Variants in THSD7B observed in about 807,000 individuals in gnomAD.
THSD7B encodes thrombospondin type 1 domain containing 7B, also known as thrombospondin type-1 domain-containing protein 7B.
Under a neutral mutation model 213.6 loss-of-function variants are expected in THSD7B, and 138 were observed. The observed-to-expected ratio is 0.65, with a 90% confidence interval of 0.56 to 0.74. THSD7B has a LOEUF of 0.74. Among genes scored for constraint, THSD7B ranks in the 30% least tolerant of loss-of-function variants. The probability of loss-of-function intolerance (pLI) is 0.00; values close to 1 mark genes in which losing one functional copy is unlikely to be tolerated. For synonymous variants in THSD7B, 742 were observed against 687.0 expected (o/e 1.08, Z -1.25); for missense variants, 1,931 against 1,991.5 (o/e 0.97, Z 0.58).
chr2:137,404,468 T>TACACACAC (rs1433746813), intron 12 of THSD7B, among the ~76,000 whole-genome samples: 108 of 73,082 alleles, frequency 1.5e-3, no homozygotes, highest in East Asian at 3.7e-3. Context: ...TATATATATA[T>TACACACAC]ATATATACAC....
At chr2:137,507,657 A>C (rs1180053163) in intron 15 of THSD7B, among the ~76,000 whole-genome samples, 1 of 152,112 alleles carries the variant, frequency 6.6e-6, no homozygotes, top group Admixed American at 6.5e-5. Flanking sequence ...TTTTCTTACT[A>C]TGTTTAAATC....
chr2:137,001,342 T>C (rs1372292556), intron 2 of THSD7B, among the ~76,000 whole-genome samples: 1 of 152,130 alleles, frequency 6.6e-6, no homozygotes, highest in Non-Finnish European at 1.5e-5. Flanking sequence ...GCCACCCACA[T>C]CTTTTTCTGT....
rs531857563 is a variant in THSD7B at position 137,433,175 on chromosome 2, C to G, written c.2960-17670C>G. ...GGAGCAGGGCGCTGTAAGATAATAA[C>G]AAGATGGGGGACATTATTTAAGTTG... On this transcript the variant is annotated intron_variant, in intron 14 of 27. Transcript: ENST00000409968. 2.2e-4 allele frequency among the ~76,000 whole-genome samples: 34 copies of G among 152,042 alleles called. 1 individual carries two copies. The South Asian group carries it at 7.1e-3, about 32-fold the overall frequency.
At chr2:137,311,020 AT>A (rs1360977638) in intron 12 of THSD7B, among the ~76,000 whole-genome samples, 1 of 150,130 alleles carries the variant, frequency 6.7e-6, no homozygotes, top group Non-Finnish European at 1.5e-5. Context: ...ACTTTAAAGT[AT>A]TTTTTTCCAA....
chr2:137,033,675 C>T (rs548842021), intron 2 of THSD7B, among the ~76,000 whole-genome samples: 1 of 152,118 alleles, frequency 6.6e-6, no homozygotes, highest in South Asian at 2.1e-4. Context: ...CGCAGTGGCA[C>T]AATCTCGGCT....
chr2:137,228,780 G>A (rs1172054964), intron 7 of THSD7B, among the ~76,000 whole-genome samples: 1 of 152,064 alleles, frequency 6.6e-6, no homozygotes, highest in Non-Finnish European at 1.5e-5. Context: ...TTTGGCCTTC[G>A]TTTTACTTTT....
At chr2:136,802,461 A>C (rs572815969) in intron 1 of THSD7B, among the ~76,000 whole-genome samples, 1 of 151,764 alleles carries the variant, frequency 6.6e-6, no homozygotes, top group East Asian at 2.0e-4. Context: ...AGAAATGTAC[A>C]CAGCAGGAAT....
At chr2:136,840,524 A>C (rs959128195) in intron 1 of THSD7B, among the ~76,000 whole-genome samples, 6 of 152,318 alleles carry the variant, frequency 3.9e-5, no homozygotes, top group African/African-American at 1.4e-4. Context: ...AAGCAAAGGC[A>C]TTGAAGCAAA....
chr2:136,865,517 T>A (rs934767521), intron 1 of THSD7B, among the ~76,000 whole-genome samples: 2 of 152,234 alleles, frequency 1.3e-5, no homozygotes, highest in South Asian at 2.1e-4. Flanking sequence ...GCTATGGAGA[T>A]CTCTTCCAAC....
At chr2:137,592,948 C>T (rs1245645643) in intron 17 of THSD7B, among the ~76,000 whole-genome samples, 3 of 151,774 alleles carry the variant, frequency 2.0e-5, no homozygotes, top group Non-Finnish European at 2.9e-5. Context: ...AAATAATACC[C>T]TAGACTTTTG....
chr2:136,834,169 G>C lies in THSD7B; in HGVS notation c.-35-47975G>C, dbSNP rs143851176. Among the ~76,000 whole-genome samples the C allele has an allele frequency of 7.0e-3, 1,060 of 152,286 alleles. 20 individuals carry two copies. Among genetic ancestry groups the C allele is most frequent in the African/African-American group, 0.024 (999 of 41,550 alleles). On this transcript the variant is annotated intron_variant, in intron 1 of 27. Coordinates refer to ENST00000409968, the MANE Select transcript of THSD7B (RefSeq NM_001316349.2). Reference sequence around the variant, plus strand: ...CTTCTCACAATCCAAGAGCTAAAAGGTTAATGTCTAGTACACTAGAGGCCA... The same window carrying C: ...CTTCTCACAATCCAAGAGCTAAAAGCTTAATGTCTAGTACACTAGAGGCCA...
At chr2:137,649,933 T>A (rs975574218) in intron 21 of THSD7B, among the ~76,000 whole-genome samples, 8 of 151,346 alleles carry the variant, frequency 5.3e-5, no homozygotes, top group Admixed American at 4.6e-4. Flanking sequence ...TAATCTCTAC[T>A]AAAATTAAAA....
chr2:137,055,390 A>G (rs971932392), intron 2 of THSD7B, among the ~76,000 whole-genome samples: 1 of 152,170 alleles, frequency 6.6e-6, no homozygotes, highest in African/African-American at 2.4e-5. Context: ...GGTTGAACTA[A>G]TTTACACTCC....
intron 1 of THSD7B, among the ~76,000 whole-genome samples, chr2:136,779,398 T>C (rs541977864): frequency 1.2e-4 from 18 of 152,234 alleles, no homozygotes; most frequent in African/African-American, 4.3e-4. Context: ...TTAGTGTAAA[T>C]ATTGTTATAT....
Position 137,647,042 on chromosome 2 carries a change from G to A in THSD7B, c.3945+4409G>A, listed in dbSNP as rs369945011. On this transcript the variant is annotated intron_variant, in intron 21 of 27. Coordinates refer to ENST00000409968, the MANE Select transcript of THSD7B (RefSeq NM_001316349.2). ...TCCTGCACCCTCCAGCAGCTTATCC[G>A]TGACCTTCCCTTGATGCCCAACAGC... is the stretch of plus-strand genomic sequence containing the variant. Among the ~76,000 whole-genome samples, 23 of 152,190 alleles carry A rather than the reference G, an allele frequency of 1.5e-4. No individual in the cohort carries two copies. The East Asian group carries it at 2.7e-3, about 18-fold the overall frequency.
intron 12 of THSD7B, among the ~76,000 whole-genome samples, chr2:137,374,121 G>C (rs1479131379): frequency 1.3e-5 from 2 of 152,004 alleles, no homozygotes; most frequent in African/African-American, 4.8e-5. Flanking sequence ...CAAAGATAAA[G>C]GGAAGGTCAT....
intron 20 of THSD7B, among the ~76,000 whole-genome samples, chr2:137,636,176 C>G (rs1573757042): frequency 6.6e-6 from 1 of 152,174 alleles, no homozygotes; most frequent in African/African-American, 2.4e-5. Context: ...TTTACAGAAC[C>G]TTTGCCCAGT....
intron 21 of THSD7B, among the ~76,000 whole-genome samples, chr2:137,646,681 T>TAATAATAATAATAAC (rs879335014): frequency 6.7e-6 from 1 of 148,152 alleles, no homozygotes; most frequent in Non-Finnish European, 1.5e-5. Context: ...ATAATAATAA[T>TAATAATAATAATAAC]AAACACTTCA....
chr2:137,219,398 A>G (rs1413434842), intron 7 of THSD7B, among the ~76,000 whole-genome samples: 2 of 152,132 alleles, frequency 1.3e-5, no homozygotes, highest in Non-Finnish European at 2.9e-5. Flanking sequence ...TAAATTCCAA[A>G]ATGTAGAGGA....
Sources: gnomAD v4.1 joint callset for allele counts (sites outside exome capture counted in the v4.1 genomes callset) on GRCh38, gnomAD v4.1.1 for gene constraint, MANE v1.5 for transcripts, NCBI Gene and HGNC (gene_info 2026-07-23, HGNC 2026-07-21) for gene names.